The following TRIM37 variants were observed in gnomAD, a reference collection of about 807,000 sequenced individuals.
The protein encoded by TRIM37 is tripartite motif containing 37, also known as E3 ubiquitin-protein ligase TRIM37.
A neutral mutation model predicts 129.8 loss-of-function variants in TRIM37; 80 were observed. That is an observed-to-expected ratio of 0.62 (90% confidence interval 0.51 to 0.74). The LOEUF is 0.74. TRIM37 is among the 30% of genes least tolerant of loss of function. TRIM37 has a pLI of 0.00. For synonymous variants in TRIM37, 389 were observed against 387.1 expected, an observed-to-expected ratio of 1.00 and a Z score of -0.06; for missense variants, 1,054 against 1,176.5, an observed-to-expected ratio of 0.90 and a Z score of 1.52.
At chr17:59,035,290 G>A (rs1322899909) in intron 17 of TRIM37, among the ~76,000 whole-genome samples, 3 of 151,666 alleles carry the variant, frequency 2.0e-5, no homozygotes, top group Non-Finnish European at 4.4e-5. Flanking sequence ...TGAACTCCTG[G>A]CCTCAAGTGA....
intron 11 of TRIM37, among the ~76,000 whole-genome samples, chr17:59,061,761 T>A (rs980651427): frequency 2.0e-5 from 3 of 152,254 alleles, no homozygotes; most frequent in Admixed American, 1.3e-4. Context: ...TTTAAACATC[T>A]GTTCCCCCAA....
the TRIM37 span, among the ~76,000 whole-genome samples, chr17:58,968,309 C>T: frequency 6.6e-6 from 1 of 152,060 alleles, no homozygotes; most frequent in African/African-American, 2.4e-5. Flanking sequence ...CCTGTAATCC[C>T]AGCTACTTGG....
At chr17:59,093,112 G>A (rs778188827) in intron 2 of TRIM37, among the ~76,000 whole-genome samples, 13 of 151,808 alleles carry the variant, frequency 8.6e-5, no homozygotes, top group Non-Finnish European at 1.5e-4. Flanking sequence ...ACAGCGCCAC[G>A]GCACTACAGC....
intron 17 of TRIM37, among the ~76,000 whole-genome samples, chr17:59,034,352 G>A (rs2038221237): frequency 6.6e-6 from 1 of 151,634 alleles, no homozygotes; most frequent in Non-Finnish European, 1.5e-5. Context: ...AACAAAAACT[G>A]CTTTTTTTTT....
At chr17:58,980,644 C>G, downstream of TRIM37, 3 of 1,614,124 alleles carry the variant, frequency 1.9e-6, no homozygotes, top group Non-Finnish European at 2.5e-6. This position sits in a 1 kb window ranked among gnomAD's most constrained non-coding sequence, Gnocchi z 4.7. Flanking sequence ...GAGAGTTTCC[C>G]ACTGCTTTCA....
chr17:59,090,772 C>T (rs575470205), intron 3 of TRIM37, among the ~76,000 whole-genome samples: 9 of 152,004 alleles, frequency 5.9e-5, no homozygotes, highest in African/African-American at 1.9e-4. Context: ...ACTATAGTCG[C>T]GCGCCACCAC....
chr17:59,075,747 G>A (rs927466712), intron 7 of TRIM37, 33 bp from the exon 8 acceptor site: 1 of 1,474,498 alleles, frequency 6.8e-7, no homozygotes, highest in Non-Finnish European at 9.5e-7. Flanking sequence ...CAACACTTGG[G>A]TTCATTATTG....
chr17:59,015,364 G>T (rs34370292), intron 21 of TRIM37, among the ~76,000 whole-genome samples: 5 of 146,414 alleles, frequency 3.4e-5, no homozygotes, highest in Non-Finnish European at 7.6e-5. Context: ...CACTTAAACC[G>T]GGGAGGCAGA....
intron 2 of TRIM37, among the ~76,000 whole-genome samples, chr17:59,096,540 ACT>A (rs1484813490): frequency 4.7e-5 from 6 of 127,674 alleles, no homozygotes; most frequent in Admixed American, 8.6e-5. Flanking sequence ...TGACAGTGAG[ACT>A]CTGTCTCAAA....
chr17:59,022,197 A>AT (rs1230263441), intron 19 of TRIM37, among the ~76,000 whole-genome samples: 1 of 152,186 alleles, frequency 6.6e-6, no homozygotes, highest in African/African-American at 2.4e-5. Flanking sequence ...ACTTATGACT[A>AT]TGTAGTCAAG....
chr17:59,003,773 A>G (rs938978816), intron 22 of TRIM37, among the ~76,000 whole-genome samples: 1 of 151,948 alleles, frequency 6.6e-6, no homozygotes, highest in Non-Finnish European at 1.5e-5. Flanking sequence ...GGAATTATTT[A>G]AGGGCTTTAA....
rs1288411238 is a variant in TRIM37, at chr17:59,067,026, T to TTTTA, written c.810-2625_810-2622dup. Among the ~76,000 whole-genome samples the TTTTA allele has an allele frequency of 9.0e-3, 1,372 of 152,106 alleles. 24 individuals carry two copies. The highest frequency in any genetic ancestry group is 0.029 in the African/African-American group (1,223 of 41,514). On this transcript the variant is annotated intron_variant, in intron 9 of 23. Transcript: ENST00000262294. ...AATTACTTTGCTTTTTAAATTTAAA[T>TTTTA]TTTATTTATTTATTTATTTATTTAT... is the stretch of plus-strand genomic sequence containing the variant.
At chr17:59,004,532 T>TA (rs1372657913) in intron 22 of TRIM37, among the ~76,000 whole-genome samples, 4 of 151,846 alleles carry the variant, frequency 2.6e-5, no homozygotes, top group African/African-American at 9.7e-5. Context: ...TCGATAAAGT[T>TA]AAAAAAGCCT....
At chr17:59,072,002 A>C (rs1042857783) in intron 8 of TRIM37, among the ~76,000 whole-genome samples, 13 of 152,216 alleles carry the variant, frequency 8.5e-5, no homozygotes, top group Non-Finnish European at 1.6e-4. Context: ...TATATACTGC[A>C]GGCTCAACCT....
chr17:59,057,099 G>A (rs748826724), intron 12 of TRIM37, 45 bp from the exon 13 acceptor site: 5 of 1,564,330 alleles, frequency 3.2e-6, no homozygotes, highest in South Asian at 1.1e-5. Flanking sequence ...AGTAAAGTAA[G>A]AATAAAAAAC....
At chr17:59,104,631 A>T (rs1599621598) in intron 1 of TRIM37, 1 of 641,434 alleles carries the variant, frequency 1.6e-6, no homozygotes, top group East Asian at 2.8e-5. Context: ...ATGCAAACAC[A>T]GACATGCAGA....
intron 12 of TRIM37, among the ~76,000 whole-genome samples, chr17:59,058,971 T>A (rs2041226697): frequency 6.6e-6 from 1 of 152,248 alleles, no homozygotes; most frequent in Non-Finnish European, 1.5e-5. Context: ...GCCTATAAAC[T>A]TTTGTGCATT....
intron 8 of TRIM37, among the ~76,000 whole-genome samples, chr17:59,075,292 G>A (rs1190085827): frequency 3.3e-5 from 5 of 151,868 alleles, no homozygotes; most frequent in South Asian, 2.1e-4. Context: ...GGCCGGGCAC[G>A]GTGGCTCACG....
At chr17:59,085,907 T>C (rs2043708552) in intron 4 of TRIM37, among the ~76,000 whole-genome samples, 1 of 152,136 alleles carries the variant, frequency 6.6e-6, no homozygotes, top group South Asian at 2.1e-4. Flanking sequence ...TTGAGGACAT[T>C]ATGCTAAGTA....
Sources: allele counts gnomAD v4.1 joint callset (sites outside exome capture counted in the v4.1 genomes callset), GRCh38; gene constraint gnomAD v4.1.1; non-coding constraint Gnocchi (gnomAD v3.1); transcripts MANE v1.5; gene names NCBI Gene and HGNC (gene_info 2026-07-23, HGNC 2026-07-21).